The following JMJD1C variants were observed in gnomAD, a reference collection of about 807,000 sequenced individuals.
The protein encoded by JMJD1C is jumonji domain-containing protein 1C.
JMJD1C carries 31 observed loss-of-function variants against 245.3 expected under a neutral mutation model. The observed-to-expected ratio is 0.13, with a 90% CI of 0.09 to 0.17. The LOEUF (loss-of-function observed/expected upper bound fraction) is 0.17. Ranked by LOEUF, JMJD1C falls within the 10% of genes least tolerant of loss-of-function variation. The pLI is 1.00. For missense variants in JMJD1C, 2,691 were observed against 3,000.2 expected (o/e 0.90, Z 2.41); for synonymous variants, 1,057 against 1,017.4 (o/e 1.04, Z -0.74).
chr10:63,195,417 C>A (rs1845350507), intron 13 of JMJD1C, among the ~76,000 whole-genome samples: 2 of 151,554 alleles, frequency 1.3e-5, no homozygotes, highest in Non-Finnish European at 2.9e-5. Flanking sequence ...AAAATTCAAA[C>A]CCAGTCTAAA....
chr10:63,260,136 A>G (rs1292605807), intron 3 of JMJD1C, among the ~76,000 whole-genome samples: 1 of 152,184 alleles, frequency 6.6e-6, no homozygotes, highest in Non-Finnish European at 1.5e-5. Flanking sequence ...ATTTTAATAT[A>G]CTGTAAGATA....
chr10:63,518,408 G>C (rs539634632), intron 1 of JMJD1C, among the ~76,000 whole-genome samples: 1 of 152,268 alleles, frequency 6.6e-6, no homozygotes, highest in African/African-American at 2.4e-5. Context: ...AAAGAGACAT[G>C]AAAATGATTT....
At chr10:63,390,361 A>C (rs894178020) in intron 1 of JMJD1C, among the ~76,000 whole-genome samples, 36 of 152,136 alleles carry the variant, frequency 2.4e-4, no homozygotes, top group African/African-American at 8.7e-4. Context: ...AACTAATAAC[A>C]AGTAATGAGG....
rs571329489 is a variant in JMJD1C at position 63,399,353 on chromosome 10, T to C, written c.169-18871A>G. 2.0e-5 allele frequency among the ~76,000 whole-genome samples: 3 copies of C among 152,286 alleles called. No individual in the cohort carries two copies. In the East Asian group the frequency reaches 5.8e-4, roughly 29 times the overall value. On this transcript the variant is annotated intron_variant, in intron 1 of 25. Coordinates refer to ENST00000399262, the MANE Select transcript of JMJD1C (RefSeq NM_032776.3). Reference sequence around the variant, plus strand: ...AATCAACCATATATCCAAGGAACCCTGGTACTTTTCTGCGGGAAACAGTGT... The same window carrying C: ...AATCAACCATATATCCAAGGAACCCCGGTACTTTTCTGCGGGAAACAGTGT...
In JMJD1C at chr10:63,489,867, C is replaced by G. The variant is rs552953309; in HGVS notation, n.113+31871G>C. Among the ~76,000 whole-genome samples the G allele has an allele frequency of 2.6e-5, 4 of 152,286 alleles. No homozygotes were observed. The South Asian group carries it at 8.3e-4, about 32-fold the overall frequency. ...CATCCCCCGGACCATGGACCAGTAC[C>G]AGTCCATGGCTTGTTAGGAACTGGG... is the stretch of plus-strand genomic sequence containing the variant. On this transcript the variant is annotated intron_variant and non_coding_transcript_variant, in intron 1 of 3. Coordinates refer to the JMJD1C transcript ENST00000633035.
rs79766796 is a variant in JMJD1C, at chr10:63,260,269, A to G, written c.447+4382T>C. Among the ~76,000 whole-genome samples, 1,393 of 152,374 alleles carry G rather than the reference A, an allele frequency of 9.1e-3. 13 individuals are homozygous for G. Among genetic ancestry groups the G allele is most frequent in the Non-Finnish European group, 0.014 (952 of 68,042 alleles). ...AAAGAGGAATGTGATGCCTAAAAAT[A>G]CTGGACTAACAAGCCAGACCAAGCC... is the stretch of plus-strand genomic sequence containing the variant. On this transcript the variant is annotated intron_variant, in intron 3 of 25. Transcript: ENST00000399262.
chr10:63,496,121 T>C (rs372847410), intron 1 of JMJD1C, among the ~76,000 whole-genome samples: 10 of 142,906 alleles, frequency 7.0e-5, no homozygotes, highest in African/African-American at 1.8e-4. Flanking sequence ...GTAGGAAACA[T>C]AGGAAAAGAA....
rs528726574 is a variant in JMJD1C, at chr10:63,428,875, G to A, written c.168+36620C>T. On this transcript the variant is annotated intron_variant, in intron 1 of 25. Transcript: ENST00000399262. ...AGAATCTAACAAGAAAAAAATACTCGGTCAAGGTAAGCCAGGTTATGTAGC... is the reference window on the plus strand; with the variant it reads ...AGAATCTAACAAGAAAAAAATACTCAGTCAAGGTAAGCCAGGTTATGTAGC... Among the ~76,000 whole-genome samples, 8 of 152,012 alleles carry A rather than the reference G, an allele frequency of 5.3e-5. No homozygotes were observed. The South Asian group carries it at 6.2e-4, about 12-fold the overall frequency.
chr10:63,267,046 A>C (rs1855659838), intron 2 of JMJD1C, among the ~76,000 whole-genome samples: 1 of 152,184 alleles, frequency 6.6e-6, no homozygotes, highest in Non-Finnish European at 1.5e-5. Flanking sequence ...TTTGGCTACC[A>C]GAAATCTAAG....
At chr10:63,191,237 T>C (rs1378208050) in intron 16 of JMJD1C, 129 bp from the exon 17 acceptor site, 1 of 661,808 alleles carries the variant, frequency 1.5e-6, no homozygotes, top group African/African-American at 1.8e-5. Flanking sequence ...GTTCAAGTGG[T>C]TCTCCTGTCT....
chr10:63,179,081 G>C (rs879589080), intron 22 of JMJD1C, among the ~76,000 whole-genome samples: 3 of 152,094 alleles, frequency 2.0e-5, no homozygotes, highest in Admixed American at 6.5e-5. Context: ...TCAGGATAAG[G>C]AATCAACTTA....
At chr10:63,451,621 T>C (rs1374272223) in intron 1 of JMJD1C, among the ~76,000 whole-genome samples, 1 of 152,208 alleles carries the variant, frequency 6.6e-6, no homozygotes, top group African/African-American at 2.4e-5. Flanking sequence ...ATTCTAGAGA[T>C]GACTGAACAT....
At chr10:63,451,568 A>G (rs1589773259) in intron 1 of JMJD1C, among the ~76,000 whole-genome samples, 1 of 152,248 alleles carries the variant, frequency 6.6e-6, no homozygotes, top group Non-Finnish European at 1.5e-5. Flanking sequence ...ATTAGGTATT[A>G]TAAGTACTAT....
chr10:63,217,434 C>A lies in JMJD1C; in HGVS notation c.554-103G>T, dbSNP rs1486122017. 10 of 876,218 alleles carry A rather than the reference C, an allele frequency of 1.1e-5. No individual in the cohort carries two copies. In the South Asian group the frequency reaches 1.6e-4, roughly 14 times the overall value. 54.3% of individuals were successfully genotyped at this position (876,218 alleles called of 1,614,324 possible). ...GAGCTAGTGTATAATAGTAATATAT[C>A]CAACTATCAGTTTTCAAAAAAATGT... On this transcript the variant is annotated intron_variant, in intron 4 of 25. Coordinates refer to ENST00000399262, the MANE Select transcript of JMJD1C (RefSeq NM_032776.3).
chr10:63,444,252 T>C (rs776899582), intron 1 of JMJD1C, among the ~76,000 whole-genome samples: 5 of 152,094 alleles, frequency 3.3e-5, no homozygotes, highest in South Asian at 2.1e-4. Flanking sequence ...TTTCAAAAAA[T>C]TCTAGGACAT....
intron 24 of JMJD1C, among the ~76,000 whole-genome samples, chr10:63,170,870 T>C (rs1842284382): frequency 6.6e-6 from 1 of 152,226 alleles, no homozygotes; most frequent in Non-Finnish European, 1.5e-5. Context: ...ATTTGACTCA[T>C]TTATATTTCA....
chr10:63,196,458 A>G (rs1451675583), intron 13 of JMJD1C, among the ~76,000 whole-genome samples: 1 of 152,184 alleles, frequency 6.6e-6, no homozygotes, highest in East Asian at 1.9e-4. Flanking sequence ...TATCCCAGAA[A>G]CACTTAGCTG....
intron 1 of JMJD1C, among the ~76,000 whole-genome samples, chr10:63,454,957 G>C (rs1952316842): frequency 6.6e-6 from 1 of 151,154 alleles, no homozygotes. Context: ...GAATTGTGTA[G>C]TTCCTGTTGT....
intron 1 of JMJD1C, among the ~76,000 whole-genome samples, chr10:63,431,969 G>A (rs1365946713): frequency 1.3e-5 from 2 of 152,156 alleles, no homozygotes; most frequent in African/African-American, 2.4e-5. Context: ...CCAAGATGGC[G>A]TCACTGCACT....
Sources: gnomAD v4.1 joint callset for allele counts (sites outside exome capture counted in the v4.1 genomes callset) on GRCh38, gnomAD v4.1.1 for gene constraint, MANE v1.5 for transcripts, NCBI Gene and HGNC (gene_info 2026-07-23, HGNC 2026-07-21) for gene names.